GMDS: variants seen among roughly 807,000 people sequenced by gnomAD.
The protein encoded by GMDS is GDP-mannose 4,6-dehydratase, also known as GDP-mannose 4,6 dehydratase.
Under a neutral mutation model 49.9 loss-of-function variants are expected in GMDS, and 20 were observed. The observed-to-expected ratio is 0.40, with a 90% confidence interval of 0.28 to 0.58. The LOEUF is 0.58. GMDS is among the 20% of genes least tolerant of loss of function. GMDS has a pLI of 0.42. For synonymous variants in GMDS, 177 were observed against 178.6 expected, an observed-to-expected ratio of 0.99 and a Z score of 0.07; for missense variants, 362 against 481.4, an observed-to-expected ratio of 0.75 and a Z score of 2.32.
At chr6:1,878,475 C>T (rs1275608539) in intron 7 of GMDS, among the ~76,000 whole-genome samples, 1 of 152,130 alleles carries the variant, frequency 6.6e-6, no homozygotes, top group Non-Finnish European at 1.5e-5. Flanking sequence ...ATTCTTGGCT[C>T]TACGGATGTG....
chr6:2,183,081 CA>C lies in GMDS; in HGVS notation c.103-58351del, dbSNP rs146292013. ...ACCCAAGAGCTCTGATGGAGATGTACAAGGAGGTTAATATGTTGTTTTCATG... is the reference window on the plus strand; with the variant it reads ...ACCCAAGAGCTCTGATGGAGATGTACAGGAGGTTAATATGTTGTTTTCATG... On this transcript the variant is annotated intron_variant, in intron 1 of 10. Coordinates refer to ENST00000380815, the MANE Select transcript of GMDS (RefSeq NM_001500.4). Among the ~76,000 whole-genome samples the C allele has an allele frequency of 2.3e-3, 351 of 152,240 alleles. 2 individuals carry two copies. Among genetic ancestry groups the C allele is most frequent in the African/African-American group, 8.1e-3 (338 of 41,550 alleles).
chr6:1,768,214 T>G (rs1373213047), intron 7 of GMDS, among the ~76,000 whole-genome samples: 1 of 152,218 alleles, frequency 6.6e-6, no homozygotes, highest in Admixed American at 6.5e-5. Flanking sequence ...AACAGGGGAA[T>G]ATCTAATGTC....
At chr6:1,963,682 T>C (rs943665731) in intron 4 of GMDS, among the ~76,000 whole-genome samples, 1 of 152,104 alleles carries the variant, frequency 6.6e-6, no homozygotes, top group East Asian at 1.9e-4. Flanking sequence ...CTTTTTGTTA[T>C]CAGGAAAAGC....
intron 7 of GMDS, among the ~76,000 whole-genome samples, chr6:1,803,457 G>A (rs189216481): frequency 7.3e-5 from 11 of 151,444 alleles, no homozygotes; most frequent in African/African-American, 2.2e-4. Context: ...CTCTTTCAGC[G>A]AGCAGCCCTT....
At chr6:1,668,320 T>C (rs910237482) in intron 9 of GMDS, among the ~76,000 whole-genome samples, 2 of 152,234 alleles carry the variant, frequency 1.3e-5, no homozygotes, top group Non-Finnish European at 2.9e-5. Flanking sequence ...ATAAACTCTT[T>C]TAGAAATGAC....
At chr6:1,661,201 T>C (rs1216400656) in intron 9 of GMDS, among the ~76,000 whole-genome samples, 1 of 152,160 alleles carries the variant, frequency 6.6e-6, no homozygotes, top group Non-Finnish European at 1.5e-5. Flanking sequence ...CTGATACCTT[T>C]TTCAATTATC....
At chr6:1,648,621 C>T (rs1369243660) in intron 9 of GMDS, among the ~76,000 whole-genome samples, 4 of 152,242 alleles carry the variant, frequency 2.6e-5, no homozygotes, top group Non-Finnish European at 5.9e-5. Context: ...AAAAGCATGG[C>T]TCTTGCCTCC....
At chr6:1,688,165 A>C (rs928244229) in intron 9 of GMDS, among the ~76,000 whole-genome samples, 5 of 152,082 alleles carry the variant, frequency 3.3e-5, no homozygotes, top group Admixed American at 6.6e-5. Context: ...CCGTTCGCTG[A>C]TGGATAAGTT....
rs1219762748 is a variant in GMDS at position 2,124,722 on chromosome 6, A to AG, written c.111dup (p.Tyr38LeufsTer4). Reference sequence around the variant, plus strand: ...TTCTCCAGCAGGAACTCAGCCAGGTAGGAACCATCCTGGGGAGAAAGAAAA... The same window carrying AG: ...TTCTCCAGCAGGAACTCAGCCAGGTAGGGAACCATCCTGGGGAGAAAGAAAA... On this transcript the variant is annotated frameshift_variant, in exon 2 of 11. Coordinates refer to ENST00000380815, the MANE Select transcript of GMDS (RefSeq NM_001500.4). LOFTEE classifies it high-confidence loss of function. 7 of 1,613,300 alleles carry AG rather than the reference A, an allele frequency of 4.3e-6. No homozygotes were observed. Among genetic ancestry groups the AG allele is most frequent in the Admixed American group, 1.7e-5 (1 of 59,944 alleles).
intron 7 of GMDS, among the ~76,000 whole-genome samples, chr6:1,843,744 G>A (rs1426640095): frequency 6.6e-6 from 1 of 152,204 alleles, no homozygotes; most frequent in Non-Finnish European, 1.5e-5. Flanking sequence ...ACTCCAGCCT[G>A]GATGACAGAG....
chr6:1,894,344 C>A (rs908480557), intron 7 of GMDS, among the ~76,000 whole-genome samples: 23 of 152,106 alleles, frequency 1.5e-4, no homozygotes, highest in African/African-American at 5.6e-4. Flanking sequence ...ACGTATATTT[C>A]ATATTTTGTG....
chr6:1,901,466 T>C (rs1760501755), intron 7 of GMDS, among the ~76,000 whole-genome samples: 1 of 152,212 alleles, frequency 6.6e-6, no homozygotes, highest in Non-Finnish European at 1.5e-5. Context: ...AAAAAGATTC[T>C]ATTAGGAGGT....
chr6:1,922,721 T>C (rs1323520163), intron 7 of GMDS, among the ~76,000 whole-genome samples: 1 of 152,140 alleles, frequency 6.6e-6, no homozygotes, highest in Non-Finnish European at 1.5e-5. Flanking sequence ...CAGCTGGACT[T>C]TGGAAGAGAG....
intron 7 of GMDS, among the ~76,000 whole-genome samples, chr6:1,864,016 GA>G (rs1230152315): frequency 6.6e-6 from 1 of 152,092 alleles, no homozygotes; most frequent in Non-Finnish European, 1.5e-5. Context: ...ATTTCTCTAA[GA>G]GGGGTGGGTC....
chr6:1,908,033 C>T (rs1179439497), intron 7 of GMDS, among the ~76,000 whole-genome samples: 2 of 152,204 alleles, frequency 1.3e-5, no homozygotes, highest in African/African-American at 2.4e-5. Flanking sequence ...CATCAAAACG[C>T]TTGCACCATG....
At chr6:2,116,390 A>G (rs1774851364) in intron 3 of GMDS, among the ~76,000 whole-genome samples, 3 of 152,116 alleles carry the variant, frequency 2.0e-5, no homozygotes, top group Admixed American at 1.3e-4. Flanking sequence ...TTGAAGGACA[A>G]CTCCTAAATC....
intron 9 of GMDS, among the ~76,000 whole-genome samples, chr6:1,704,777 G>C (rs570396839): frequency 1.3e-5 from 2 of 151,700 alleles, no homozygotes; most frequent in East Asian, 3.9e-4. Context: ...CCCTGCCTGC[G>C]TGGAGCTTGC....
In GMDS at chr6:1,652,743, C is replaced by G. The variant is rs9405501; in HGVS notation, c.988-28203G>C. 3.8e-3 allele frequency among the ~76,000 whole-genome samples: 272 copies of G among 71,472 alleles called. 14 individuals carry two copies. The highest frequency in any genetic ancestry group is 0.012 in the Middle Eastern group (2 of 164). 46.9% of individuals were successfully genotyped at this position (71,472 alleles called of 152,430 possible). On this transcript the variant is annotated intron_variant, in intron 9 of 10. Transcript: ENST00000380815. ...ATAGAGAGAGAGAGAGAGAGAGAGA[C>G]AGACAGACAGACAGACAGACAGACA... is the stretch of plus-strand genomic sequence containing the variant.
chr6:2,149,074 G>T (rs555666426), intron 1 of GMDS, among the ~76,000 whole-genome samples: 1 of 152,222 alleles, frequency 6.6e-6, no homozygotes, highest in South Asian at 2.1e-4. Context: ...AGACCTTGAT[G>T]ACATAAAATA....
Sources: allele counts gnomAD v4.1 joint callset (sites outside exome capture counted in the v4.1 genomes callset), GRCh38; gene constraint gnomAD v4.1.1; transcripts MANE v1.5; gene names NCBI Gene and HGNC (gene_info 2026-07-23, HGNC 2026-07-21).